PTPRJ: variants seen among roughly 807,000 people sequenced by gnomAD.
PTPRJ encodes protein tyrosine phosphatase receptor type J.
A neutral mutation model predicts 141.3 loss-of-function variants in PTPRJ; 129 were observed. That is an observed-to-expected ratio of 0.91 (90% CI 0.79 to 1.06). PTPRJ has a LOEUF of 1.06. Ranked by LOEUF, PTPRJ falls within the 50% of genes least tolerant of loss-of-function variation. The pLI is 0.00. For missense variants in PTPRJ, 1,601 were observed against 1,679.7 expected (o/e 0.95, Z 0.82); for synonymous variants, 610 against 640.5 (o/e 0.95, Z 0.72).
At chr11:48,097,081 A>G (rs1188091540) in intron 1 of PTPRJ, among the ~76,000 whole-genome samples, 1 of 152,172 alleles carries the variant, frequency 6.6e-6, no homozygotes, top group Non-Finnish European at 1.5e-5. Context: ...TTCAAGTGCT[A>G]GGCATGGGGT....
At position 48,125,116 on chromosome 11, in the gene PTPRJ, C is replaced by A; in HGVS notation, c.1023C>A (p.Tyr341Ter). Residue 341 changes from tyrosine to a stop codon, truncating the protein, a stop_gained, in exon 6 of 25, where the codon TAC (tyrosine) becomes TAA (stop). Transcript: ENST00000418331. LOFTEE classifies it high-confidence loss of function. ...LLVGLEPGTR[Y>*]NATVYSQAAN... Reference sequence around the variant, plus strand: ...TCGGGTTAGAGCCTGGCACCCGATACAATGCCACCGTTTATTCCCAAGCAG... The same window carrying A: ...TCGGGTTAGAGCCTGGCACCCGATAAAATGCCACCGTTTATTCCCAAGCAG... 6.2e-7 allele frequency: 1 copy of A among 1,614,084 alleles called. No individual in the cohort carries two copies. The highest frequency in any genetic ancestry group is 8.5e-7 in the Non-Finnish European group (1 of 1,180,014).
At chr11:48,105,291 C>T (rs1381770637) in intron 1 of PTPRJ, among the ~76,000 whole-genome samples, 2 of 152,026 alleles carry the variant, frequency 1.3e-5, no homozygotes, top group African/African-American at 4.8e-5. Context: ...GAGTCAGGAC[C>T]ACCTTAAGCA....
chr11:48,162,327 C>G (rs1347265677), intron 22 of PTPRJ, among the ~76,000 whole-genome samples: 1 of 151,774 alleles, frequency 6.6e-6, no homozygotes, highest in Non-Finnish European at 1.5e-5. Context: ...TCACTTCTCC[C>G]TCTTCCTCTC....
chr11:48,023,416 C>T (rs375418221), intron 1 of PTPRJ, among the ~76,000 whole-genome samples: 1 of 152,146 alleles, frequency 6.6e-6, no homozygotes, highest in African/African-American at 2.4e-5. Context: ...GGTAGAAAAA[C>T]CATTCTCAGG....
chr11:48,125,105 G>A lies in PTPRJ; in HGVS notation c.1012G>A (p.Gly338Ser), dbSNP rs1414420746. ...AGTCCTGCTTGTCGGGTTAGAGCCT[G>A]GCACCCGATACAATGCCACCGTTTA... The part of the protein sequence containing the change: ...TEVLLVGLEP[G>S]TRYNATVYSQ... Residue 338 changes from glycine (G) to serine (S), a missense_variant, in exon 6 of 25, where the codon GGC becomes AGC. Physicochemically the swap from Gly to Ser is moderately conservative, Grantham distance 56. Coordinates refer to ENST00000418331, the MANE Select transcript of PTPRJ (RefSeq NM_002843.4). 3 of 1,614,040 alleles carry A rather than the reference G, an allele frequency of 1.9e-6. No homozygotes were observed. In the East Asian group the frequency reaches 6.7e-5, roughly 36 times the overall value.
intron 7 of PTPRJ, among the ~76,000 whole-genome samples, chr11:48,128,926 A>C (rs1856904828): frequency 6.6e-6 from 1 of 152,222 alleles, no homozygotes; most frequent in African/African-American, 2.4e-5. Context: ...ATATGCTTGC[A>C]TTTCTTTACC....
rs1266289466 is a variant in PTPRJ at position 48,145,002 on chromosome 11, C to G, written c.2789C>G (p.Ala930Gly). 2 of 1,614,162 alleles carry G rather than the reference C, an allele frequency of 1.2e-6. No individual in the cohort carries two copies. Among genetic ancestry groups the G allele is most frequent in the Non-Finnish European group, 8.5e-7 (1 of 1,180,024 alleles). Reference sequence around the variant, plus strand: ...TTTTGCTCTTTGTTATCCCACAGGGCTTGTGTGGCTGGCTTCACCAACATT... The same window carrying G: ...TTTTGCTCTTTGTTATCCCACAGGGGTTGTGTGGCTGGCTTCACCAACATT... ...GKLEPLGSYR[A>G]CVAGFTNITF... The change falls in exon 14 of 25, where the codon GCT becomes GGT. Residue 930 changes from alanine (A) to glycine (G), a missense_variant and splice_region_variant. By Grantham distance (60) the Ala-to-Gly change is moderately conservative. Coordinates refer to ENST00000418331, the MANE Select transcript of PTPRJ (RefSeq NM_002843.4).
At chr11:48,142,813 C>G in intron 11 of PTPRJ, 106 bp from the exon 12 acceptor site, 1 of 1,355,682 alleles carries the variant, frequency 7.4e-7, no homozygotes. Flanking sequence ...CAGCATGTAG[C>G]TTCCAGAGTA....
In PTPRJ at chr11:48,158,613, G is replaced by A. The variant is rs72905508; in HGVS notation, c.3439-1317G>A. Reference sequence around the variant, plus strand: ...GGGTCTTTAAAGAAATACAGATCCCGCAGCCAGAGTCAGAATCTCTGGAGG... The same window carrying A: ...GGGTCTTTAAAGAAATACAGATCCCACAGCCAGAGTCAGAATCTCTGGAGG... On this transcript the variant is annotated intron_variant, in intron 21 of 24. Coordinates refer to ENST00000418331, the MANE Select transcript of PTPRJ (RefSeq NM_002843.4). This position sits in a 1 kb window ranked among gnomAD's most constrained non-coding sequence, Gnocchi z 4.4. 3.3e-4 allele frequency among the ~76,000 whole-genome samples: 51 copies of A among 152,248 alleles called. No homozygotes were observed. The highest frequency in any genetic ancestry group is 1.7e-3 in the East Asian group (9 of 5,184).
Position 48,169,325 on chromosome 11 carries a change from C to A in PTPRJ, c.*1963C>A, listed in dbSNP as rs1040136174. 1 of 152,126 alleles carries A rather than the reference C, an allele frequency of 6.6e-6. No homozygotes were observed. Among genetic ancestry groups the A allele is most frequent in the Non-Finnish European group, 1.5e-5 (1 of 68,032 alleles). 9.4% of individuals were successfully genotyped at this position (152,126 alleles called of 1,614,324 possible). ...TGGTAGTAAGCAGTTCATTGAGTAT[C>A]AGGTCCTCAAAGGAATGAGTTGGCC... On this transcript the variant is annotated 3_prime_UTR_variant, in exon 25 of 25. Transcript: ENST00000418331.
At chr11:48,083,353 C>G (rs554262438) in intron 1 of PTPRJ, among the ~76,000 whole-genome samples, 1 of 152,196 alleles carries the variant, frequency 6.6e-6, no homozygotes, top group Non-Finnish European at 1.5e-5. Flanking sequence ...CGCTTGAACC[C>G]GGGAGGCGAA....
chr11:48,152,138 T>G (rs1350848184), intron 18 of PTPRJ, among the ~76,000 whole-genome samples: 2 of 152,200 alleles, frequency 1.3e-5, no homozygotes, highest in Non-Finnish European at 2.9e-5. Flanking sequence ...TGATTGCCAT[T>G]CTAACTGGTG....
At chr11:48,053,159 TTA>T (rs1298940398) in intron 1 of PTPRJ, among the ~76,000 whole-genome samples, 26 of 109,630 alleles carry the variant, frequency 2.4e-4, no homozygotes, top group Admixed American at 9.9e-4. Context: ...TAAATATATA[TTA>T]TATATATAAA....
intron 22 of PTPRJ, among the ~76,000 whole-genome samples, chr11:48,160,685 G>A (rs1039481): frequency 0.7 from 105,991 of 152,050 alleles, 37,821 homozygotes; most frequent in South Asian, 0.79. Flanking sequence ...CATTAGGCAT[G>A]TGCTGGCTTG....
chr11:48,059,848 G>A (rs1194174093), intron 1 of PTPRJ, among the ~76,000 whole-genome samples: 3 of 152,226 alleles, frequency 2.0e-5, no homozygotes, highest in Non-Finnish European at 2.9e-5. Context: ...TGGTGAAGCT[G>A]AGCCATGGGT....
chr11:48,008,840 CA>C (rs1271231705), intron 1 of PTPRJ, among the ~76,000 whole-genome samples: 1 of 152,206 alleles, frequency 6.6e-6, no homozygotes, highest in Non-Finnish European at 1.5e-5. Context: ...GCTAGGATTA[CA>C]GTCGTGAGCC....
intron 1 of PTPRJ, among the ~76,000 whole-genome samples, chr11:48,069,891 C>T (rs1382778625): frequency 2.6e-5 from 4 of 152,188 alleles, no homozygotes; most frequent in African/African-American, 4.8e-5. Flanking sequence ...CAGCTAATGT[C>T]GTGGACTTGC....
chr11:47,989,173 G>A (rs752971012), intron 1 of PTPRJ, among the ~76,000 whole-genome samples: 2 of 151,756 alleles, frequency 1.3e-5, no homozygotes, highest in East Asian at 1.9e-4. Flanking sequence ...GTGAGCCACC[G>A]CGCCTGGCCG....
Position 48,156,119 on chromosome 11 carries a change from A to G in PTPRJ, c.3438A>G (p.Arg1146=), listed in dbSNP as rs1347466226. 1.9e-6 allele frequency: 3 copies of G among 1,574,480 alleles called. No individual in the cohort carries two copies. In the East Asian group the frequency reaches 6.7e-5, roughly 35 times the overall value. Residue 1146 remains arginine (R), a splice_region_variant and synonymous_variant, in exon 21 of 25, where the codon AGA becomes AGG. Transcript: ENST00000418331. Reference sequence around the variant, plus strand: ...TGACTAAATGTGTTGAACAGGGAAGAGTAAGTATCTTTTTTAGTTTTTAAA... The same window carrying G: ...TGACTAAATGTGTTGAACAGGGAAGGGTAAGTATCTTTTTTAGTTTTTAAA... ...IMLTKCVEQG[R]TKCEEYWPSK... is the part of the protein sequence containing the mutation.
Sources: allele counts gnomAD v4.1 joint callset (sites outside exome capture counted in the v4.1 genomes callset), GRCh38; gene constraint gnomAD v4.1.1; non-coding constraint Gnocchi (gnomAD v3.1); transcripts MANE v1.5; gene names NCBI Gene and HGNC (gene_info 2026-07-23, HGNC 2026-07-21).